Variants in SERBP1 observed in about 807,000 individuals in gnomAD.
SERBP1 encodes SERPINE1 mRNA binding protein 1, also known as SERPINE1 mRNA-binding protein 1.
Under a neutral mutation model 50.2 loss-of-function variants are expected in SERBP1, and 6 were observed. The ratio of observed to expected loss-of-function variants is 0.12; its 90% CI spans 0.07 to 0.24. SERBP1 has a LOEUF of 0.24. SERBP1 is among the 10% of genes least tolerant of loss of function. SERBP1 has a pLI of 1.00. For synonymous variants in SERBP1, 168 were observed against 182.8 expected, an observed-to-expected ratio of 0.92 and a Z score of 0.65; for missense variants, 346 against 524.9, an observed-to-expected ratio of 0.66 and a Z score of 3.33.
intron 1 of SERBP1, among the ~76,000 whole-genome samples, chr1:67,426,548 T>A (rs1358435390): frequency 6.6e-6 from 1 of 152,204 alleles, no homozygotes; most frequent in Non-Finnish European, 1.5e-5. Flanking sequence ...TCTATTTAAG[T>A]TTGCCAAGTT....
At chr1:67,427,695 C>A (rs1482656530) in intron 1 of SERBP1, among the ~76,000 whole-genome samples, 1 of 152,082 alleles carries the variant, frequency 6.6e-6, no homozygotes, top group Non-Finnish European at 1.5e-5. Flanking sequence ...CCAAACACAC[C>A]CAAGTGAACA....
chr1:67,422,854 G>A (rs1667244125), intron 5 of SERBP1, among the ~76,000 whole-genome samples: 2 of 151,782 alleles, frequency 1.3e-5, no homozygotes, highest in South Asian at 2.1e-4. Flanking sequence ...CCAGTTACTC[G>A]GGAGGGTGAG....
chr1:67,424,345 A>G, intron 4 of SERBP1, 68 bp from the exon 5 acceptor site: 1 of 1,578,352 alleles, frequency 6.3e-7, no homozygotes, highest in African/African-American at 1.4e-5. Flanking sequence ...AGAAAAAGAA[A>G]GGCATCTAGG....
At chr1:67,429,211 G>C (rs1458639192) in intron 1 of SERBP1, among the ~76,000 whole-genome samples, 2 of 152,194 alleles carry the variant, frequency 1.3e-5, no homozygotes, top group Non-Finnish European at 2.9e-5. Context: ...CCCACCACGT[G>C]AAAGATTCAG....
In SERBP1 at chr1:67,426,226, C is replaced by T. The variant is rs1413957523; in HGVS notation, c.373G>A (p.Asp125Asn). ...QQLQGEGKII[D>N]RRPERRPPRE... ...GGTGGTCGCCTTTCTGGTCTTCTAT[C>T]AATTATTTTCCCTTCACCCTGAAGT... Residue 125 changes from aspartate to asparagine, a missense_variant, in exon 2 of 8, where the codon GAT (aspartate) becomes AAT (asparagine). Physicochemically the swap from Asp to Asn is conservative, Grantham distance 23. Coordinates refer to ENST00000361219, the MANE Select transcript of SERBP1 (RefSeq NM_001018069.2). The T allele has an allele frequency of 6.2e-7, 1 of 1,610,062 alleles. No homozygotes were observed. Among genetic ancestry groups the T allele is most frequent in the African/African-American group, 1.3e-5 (1 of 74,778 alleles).
At chr1:67,416,758 C>A (rs747647520) in intron 6 of SERBP1, among the ~76,000 whole-genome samples, 1 of 152,180 alleles carries the variant, frequency 6.6e-6, no homozygotes, top group Non-Finnish European at 1.5e-5. Flanking sequence ...CAAACCAACA[C>A]ACTGTAAGGC....
Position 67,409,119 on chromosome 1 carries a change from T to C in SERBP1, c.*4088A>G, listed in dbSNP as rs957907469. 2 of 152,010 alleles carry C rather than the reference T, an allele frequency of 1.3e-5. No individual in the cohort carries two copies. Among genetic ancestry groups the C allele is most frequent in the Admixed American group, 6.6e-5 (1 of 15,244 alleles). The allele number at this position is 152,010 out of a possible 1,614,324, so 9.4% of individuals were successfully genotyped here. ...GGTGGTGCACACCTGTAATCCCAGC[T>C]ACTCAGGAGGCTGAGGCAGAATTGC... On this transcript the variant is annotated 3_prime_UTR_variant, in exon 8 of 8. Transcript: ENST00000361219.
At chr1:67,416,389 A>G (rs879771993) in intron 6 of SERBP1, among the ~76,000 whole-genome samples, 1 of 152,224 alleles carries the variant, frequency 6.6e-6, no homozygotes, top group Non-Finnish European at 1.5e-5. Flanking sequence ...TACATGACCC[A>G]GTCTGGGGGA....
chr1:67,413,314 C>T, intron 7 of SERBP1, 51 bp from the exon 8 acceptor site: 1 of 1,461,200 alleles, frequency 6.8e-7, no homozygotes, highest in South Asian at 1.3e-5. Flanking sequence ...TTCAAAATTA[C>T]ATTGTTAGCT....
intron 5 of SERBP1, among the ~76,000 whole-genome samples, chr1:67,421,136 A>G (rs948956794): frequency 6.6e-6 from 1 of 152,144 alleles, no homozygotes; most frequent in Admixed American, 6.5e-5. Flanking sequence ...ATGCTGCAAA[A>G]AAAAAACAAA....
At chr1:67,426,974 G>A (rs545390399) in intron 1 of SERBP1, among the ~76,000 whole-genome samples, 7 of 152,136 alleles carry the variant, frequency 4.6e-5, no homozygotes, top group Non-Finnish European at 1.0e-4. Flanking sequence ...ACACAAAAAG[G>A]GCCATCTTCC....
At chr1:67,427,902 A>G (rs1206078239) in intron 1 of SERBP1, among the ~76,000 whole-genome samples, 1 of 152,246 alleles carries the variant, frequency 6.6e-6, no homozygotes, top group Non-Finnish European at 1.5e-5. Flanking sequence ...TCTCAATGAC[A>G]TTCTGCTGTC....
chr1:67,410,841 A>T lies in SERBP1; in HGVS notation c.*2366T>A, dbSNP rs1487339180. Reference sequence around the variant, plus strand: ...AAGTCCTTGGATTTTGTATTTTACAAGAATTCAACTTTCCCAATTAAGTCA... The same window carrying T: ...AAGTCCTTGGATTTTGTATTTTACATGAATTCAACTTTCCCAATTAAGTCA... On this transcript the variant is annotated 3_prime_UTR_variant, in exon 8 of 8. Coordinates refer to ENST00000361219, the MANE Select transcript of SERBP1 (RefSeq NM_001018069.2). 1 of 152,190 alleles carries T rather than the reference A, an allele frequency of 6.6e-6. No individual in the cohort carries two copies. Among genetic ancestry groups the T allele is most frequent in the East Asian group, 1.9e-4 (1 of 5,202 alleles). 9.4% of individuals were successfully genotyped at this position (152,190 alleles called of 1,614,324 possible).
Position 67,409,403 on chromosome 1 carries a change from A to ACACACACC in SERBP1, c.*3803_*3804insGGTGTGTG, listed in dbSNP as rs1666749762. On this transcript the variant is annotated 3_prime_UTR_variant, in exon 8 of 8. Coordinates refer to ENST00000361219, the MANE Select transcript of SERBP1 (RefSeq NM_001018069.2). ...GGGACACGGACACACACACACACACACACACACACACACACACCCCCACAC... is the reference window on the plus strand; with the variant it reads ...GGGACACGGACACACACACACACACACACACACCCACACACACACACACACCCCCACAC... 1 of 106,316 alleles carries ACACACACC rather than the reference A, an allele frequency of 9.4e-6. No individual in the cohort carries two copies. Among genetic ancestry groups the ACACACACC allele is most frequent in the Admixed American group, 9.2e-5 (1 of 10,904 alleles). The allele number at this position is 106,316 out of a possible 1,614,324, so 6.6% of individuals were successfully genotyped here.
At position 67,424,523 on chromosome 1, in the gene SERBP1, T is replaced by A. The variant is rs151083038; in HGVS notation, c.696-246A>T. On this transcript the variant is annotated intron_variant, in intron 4 of 7. Coordinates refer to ENST00000361219, the MANE Select transcript of SERBP1 (RefSeq NM_001018069.2). ...TTAAAAAGTAACAGAACAAGGCAGT[T>A]AATTATAAAATGAAGCTTTACTAGC... The A allele has an allele frequency of 1.6e-4, 80 of 509,308 alleles. No individual in the cohort carries two copies. In the Middle Eastern group the frequency reaches 2.5e-3, roughly 16 times the overall value. 31.5% of individuals were successfully genotyped at this position (509,308 alleles called of 1,614,324 possible).
intron 4 of SERBP1, 140 bp downstream of exon 4, chr1:67,424,748 T>C: frequency 1.5e-6 from 1 of 680,174 alleles, no homozygotes; most frequent in South Asian, 1.9e-5. Context: ...CCCAAACCCA[T>C]CCCATAAGAC....
At chr1:67,423,295 TCA>T (rs1194403385) in intron 5 of SERBP1, among the ~76,000 whole-genome samples, 93 of 141,812 alleles carry the variant, frequency 6.6e-4, no homozygotes, top group Non-Finnish European at 1.1e-3. Context: ...GAACTCCATC[TCA>T]CACACACAAA....
intron 1 of SERBP1, chr1:67,429,331 ACTC>A (rs1211171434): frequency 6.6e-6 from 1 of 152,110 alleles, no homozygotes; most frequent in Non-Finnish European, 1.5e-5. Flanking sequence ...GTGTGGCCAA[ACTC>A]CTCCATTTCC....
chr1:67,429,752 C>T, intron 1 of SERBP1: 1 of 495,952 alleles, frequency 2.0e-6, no homozygotes, highest in East Asian at 3.7e-5. Flanking sequence ...CCTCTGCTCA[C>T]AACCTGAGGC....
Sources: allele counts gnomAD v4.1 joint callset (sites outside exome capture counted in the v4.1 genomes callset), GRCh38; gene constraint gnomAD v4.1.1; transcripts MANE v1.5; gene names NCBI Gene and HGNC (gene_info 2026-07-23, HGNC 2026-07-21).